The following HSPBP1 variants were observed in gnomAD, a reference collection of about 807,000 sequenced individuals.
HSPBP1 encodes the protein HSPA (Hsp70) binding protein 1, also known as hsp70-binding protein 1.
A neutral mutation model predicts 41.7 loss-of-function variants in HSPBP1; 31 were observed. The observed-to-expected ratio is 0.74, with a 90% CI of 0.56 to 1.00. The LOEUF is 1.00. Among genes scored for constraint, HSPBP1 ranks in the 50% least tolerant of loss-of-function variants. HSPBP1 has a pLI of 0.00. For synonymous variants in HSPBP1, 199 were observed against 214.4 expected (o/e 0.93, Z 0.63); for missense variants, 439 against 487.9 (o/e 0.90, Z 0.94).
In HSPBP1 at chr19:55,262,332, G is replaced by A; in HGVS notation, c.*276C>T. 1 of 1,264,836 alleles carries A rather than the reference G, an allele frequency of 7.9e-7. No individual in the cohort carries two copies. The highest frequency in any genetic ancestry group is 2.0e-5 in the South Asian group (1 of 50,288). 78.4% of individuals were successfully genotyped at this position (1,264,836 alleles called of 1,614,324 possible). On this transcript the variant is annotated 3_prime_UTR_variant, in exon 8 of 8. Coordinates refer to ENST00000433386, the MANE Select transcript of HSPBP1 (RefSeq NM_012267.5). Reference sequence around the variant, plus strand: ...GCACCCTCCAAAGGAGATGACAAAGGCGGCAGTGAAGGAGGAGAAGGAGGA... The same window carrying A: ...GCACCCTCCAAAGGAGATGACAAAGACGGCAGTGAAGGAGGAGAAGGAGGA...
At chr19:55,267,717 C>G (rs1361456149) in intron 4 of HSPBP1, among the ~76,000 whole-genome samples, 1 of 152,226 alleles carries the variant, frequency 6.6e-6, no homozygotes, top group Non-Finnish European at 1.5e-5. Flanking sequence ...CCTCAGCCTC[C>G]CAAGGTGCTG....
chr19:55,263,967 C>CTTTT (rs201171002), intron 7 of HSPBP1, among the ~76,000 whole-genome samples: 4 of 130,486 alleles, frequency 3.1e-5, no homozygotes, highest in Non-Finnish European at 3.2e-5. Flanking sequence ...ATGTAGTACA[C>CTTTT]TTTTTTTTTT....
At chr19:55,266,573 T>G (rs2087795988) in intron 4 of HSPBP1, among the ~76,000 whole-genome samples, 1 of 138,690 alleles carries the variant, frequency 7.2e-6, no homozygotes, top group African/African-American at 2.7e-5. Context: ...ACTATCACCA[T>G]CACTATCACC....
rs945243810 is a variant in HSPBP1, at chr19:55,272,141, C to T, written c.640+2257G>A. On this transcript the variant is annotated intron_variant, in intron 4 of 7. Coordinates refer to ENST00000433386, the MANE Select transcript of HSPBP1 (RefSeq NM_012267.5). This position sits in a 1 kb window ranked among gnomAD's most constrained non-coding sequence, Gnocchi z 4.2. Reference sequence around the variant, plus strand: ...GTTACGATATGACCCAGCAACTCCACTGCTAGGTATACACCCAAGAGAACG... The same window carrying T: ...GTTACGATATGACCCAGCAACTCCATTGCTAGGTATACACCCAAGAGAACG... Among the ~76,000 whole-genome samples, 1 of 152,062 alleles carries T rather than the reference C, an allele frequency of 6.6e-6. No homozygotes were observed. The highest frequency in any genetic ancestry group is 1.5e-5 in the Non-Finnish European group (1 of 68,002).
At chr19:55,276,232 A>T (rs2088068926) in intron 3 of HSPBP1, among the ~76,000 whole-genome samples, 1 of 152,138 alleles carries the variant, frequency 6.6e-6, no homozygotes, top group Non-Finnish European at 1.5e-5. Context: ...TGTCCAGAAC[A>T]GGCAAATTCA....
At chr19:55,263,608 C>T (rs1038048610) in intron 7 of HSPBP1, among the ~76,000 whole-genome samples, 7 of 152,268 alleles carry the variant, frequency 4.6e-5, no homozygotes, top group Non-Finnish European at 4.4e-5. Flanking sequence ...AGAGCCCATC[C>T]GCACTGTACA....
intron 4 of HSPBP1, among the ~76,000 whole-genome samples, chr19:55,274,061 T>C (rs2087994113): frequency 6.6e-6 from 1 of 152,086 alleles, no homozygotes; most frequent in Non-Finnish European, 1.5e-5. Context: ...CAGATGCTGC[T>C]CAATGTCCTG....
chr19:55,267,060 T>A (rs1481337549), intron 4 of HSPBP1, among the ~76,000 whole-genome samples: 1 of 152,244 alleles, frequency 6.6e-6, no homozygotes, highest in Non-Finnish European at 1.5e-5. Context: ...CATGGCTGAA[T>A]AACATTCCAT....
In HSPBP1 at chr19:55,279,575, G is replaced by A; in HGVS notation, c.34C>T (p.Pro12Ser). 2 of 1,601,004 alleles carry A rather than the reference G, an allele frequency of 1.2e-6. No individual in the cohort carries two copies. Among genetic ancestry groups the A allele is most frequent in the Non-Finnish European group, 1.7e-6 (2 of 1,174,256 alleles). The change falls in exon 2 of 8, where the codon CCC becomes TCC. Residue 12 changes from proline to serine, a missense_variant. Coordinates refer to ENST00000433386, the MANE Select transcript of HSPBP1 (RefSeq NM_012267.5). ...SDEGSRGSRL[P>S]LALPPASQGC... ...TGGGAGGCCGGGGGCAGCGCCAGGG[G>A]CAGGCGGCTCCCCCTTGAGCCTTCG...
At chr19:55,275,839 T>C (rs957658586) in intron 3 of HSPBP1, among the ~76,000 whole-genome samples, 8 of 150,866 alleles carry the variant, frequency 5.3e-5, no homozygotes, top group African/African-American at 1.7e-4. Context: ...GCCCAGCTAC[T>C]CAGAAGGGCA....
intron 5 of HSPBP1, 50 bp downstream of exon 5, chr19:55,266,081 C>A: frequency 6.3e-7 from 1 of 1,579,128 alleles, no homozygotes; most frequent in East Asian, 2.3e-5. Context: ...CCTGCACCCA[C>A]CCCAGGGCGT....
At position 55,265,896 on chromosome 19, in the gene HSPBP1, C is replaced by A. The variant is rs1181087485; in HGVS notation, c.883G>T (p.Ala295Ser). The A allele has an allele frequency of 6.2e-7, 1 of 1,606,040 alleles. No individual in the cohort carries two copies. The part of the protein sequence containing the change: ...HSPFHEHVLG[A>S]LCSLVTDFPQ... Reference sequence around the variant, plus strand: ...AAGGAGCCAAAGTACCTGCACAGGGCTCCAAGCACGTGCTCGTGGAAGGGG... The same window carrying A: ...AAGGAGCCAAAGTACCTGCACAGGGATCCAAGCACGTGCTCGTGGAAGGGG... Residue 295 changes from alanine to serine, a missense_variant, in exon 6 of 8, where the codon GCC (alanine) becomes TCC (serine). Ala to Ser is a moderately conservative substitution (Grantham distance 99, BLOSUM62 1). Transcript: ENST00000433386.
intron 2 of HSPBP1, among the ~76,000 whole-genome samples, chr19:55,278,923 C>CCCAAA (rs764250410): frequency 1.5e-4 from 14 of 90,662 alleles, no homozygotes; most frequent in South Asian, 7.8e-4. Flanking sequence ...CTGCCCCCAC[C>CCCAAA]AAAAAAAAAA....
At chr19:55,264,394 A>G (rs1489317416) in intron 7 of HSPBP1, among the ~76,000 whole-genome samples, 1 of 152,220 alleles carries the variant, frequency 6.6e-6, no homozygotes, top group African/African-American at 2.4e-5. Context: ...ACCAGCATTG[A>G]TTCATTCACT....
chr19:55,275,872 C>G (rs928713431), intron 3 of HSPBP1, among the ~76,000 whole-genome samples: 1 of 150,976 alleles, frequency 6.6e-6, no homozygotes, highest in African/African-American at 2.4e-5. Flanking sequence ...CGTTTGAACC[C>G]GGGAGGCACA....
rs1250230804 is a variant in HSPBP1 at position 55,266,280 on chromosome 19, A to G, written c.647T>C (p.Val216Ala). ...CAGCAGCCCAGCCTCCTGCTCTCGG[A>G]CCAGACCTGGGAGAGGGGGAAAGGT... The part of the protein sequence containing the change: ...VKALFAISCL[V>A]REQEAGLLQF... Residue 216 changes from valine to alanine, a missense_variant, in exon 5 of 8, where the codon GTC (valine) becomes GCC (alanine). Coordinates refer to ENST00000433386, the MANE Select transcript of HSPBP1 (RefSeq NM_012267.5). 2.9e-5 allele frequency: 45 copies of G among 1,574,176 alleles called. No homozygotes were observed. Among genetic ancestry groups the G allele is most frequent in the Non-Finnish European group, 3.7e-5 (43 of 1,160,210 alleles).
chr19:55,278,241 A>G (rs1568971404), intron 2 of HSPBP1, among the ~76,000 whole-genome samples: 1 of 152,120 alleles, frequency 6.6e-6, no homozygotes, highest in Non-Finnish European at 1.5e-5. Context: ...CAGTGAGACT[A>G]TCTCAAAGAA....
chr19:55,279,762 T>C (rs1253073756), intron 1 of HSPBP1, 60 bp from the exon 2 acceptor site: 2 of 1,521,908 alleles, frequency 1.3e-6, no homozygotes, highest in Admixed American at 3.9e-5. Flanking sequence ...CAAACCACTC[T>C]GCCCCCAGCC....
At chr19:55,265,126 G>A (rs2087738876) in intron 7 of HSPBP1, 152 bp downstream of exon 7, 1 of 572,664 alleles carries the variant, frequency 1.7e-6, no homozygotes, top group Non-Finnish European at 3.1e-6. Flanking sequence ...ACCTCCCCGT[G>A]TACCTGGTCC....
Sources: allele counts gnomAD v4.1 joint callset (sites outside exome capture counted in the v4.1 genomes callset), GRCh38; gene constraint gnomAD v4.1.1; non-coding constraint Gnocchi (gnomAD v3.1); transcripts MANE v1.5; gene names NCBI Gene and HGNC (gene_info 2026-07-23, HGNC 2026-07-21).